The following ZNF469 variants were observed in gnomAD, a reference collection of about 807,000 sequenced individuals.
ZNF469 encodes zinc finger protein 469.
Under a neutral mutation model 1.0 loss-of-function variants are expected in ZNF469, and 1 was observed. That is an observed-to-expected ratio of 1.00 (90% CI 0.35 to 4.73). ZNF469 has a LOEUF of 4.73. Among genes scored for constraint, ZNF469 ranks in the 30% most tolerant of loss-of-function variants. The probability of loss-of-function intolerance (pLI) is 0.16; values close to 1 mark genes in which losing one functional copy is unlikely to be tolerated. For synonymous variants in ZNF469, 2,703 were observed against 2,363.4 expected (o/e 1.14, Z -4.17); for missense variants, 6,100 against 5,356.3 (o/e 1.14, Z -4.33).
chr16:88,429,401 C>A lies in ZNF469; in HGVS notation c.1931C>A (p.Thr644Lys), dbSNP rs1359055760. ...FFHPPTHPQE[T>K]GSPFPSPEPP... is the part of the protein sequence containing the mutation. ...CACCCACCCACTCACCCCCAGGAGA[C>A]GGGCAGCCCCTTCCCGTCCCCGGAG... The change falls in exon 3 of 3, where the codon ACG becomes AAG. Residue 644 changes from threonine (T) to lysine (K), a missense_variant. Physicochemically the swap from Thr to Lys is moderately conservative, Grantham distance 78. Transcript: ENST00000565624. 1.3e-6 allele frequency: 2 copies of A among 1,548,130 alleles called. No homozygotes were observed. The highest frequency in any genetic ancestry group is 1.7e-4 in the Middle Eastern group (1 of 6,010).
the ZNF469 span, among the ~76,000 whole-genome samples, chr16:88,202,506 G>T: frequency 1.3e-5 from 2 of 152,202 alleles, no homozygotes; most frequent in Non-Finnish European, 2.9e-5. Flanking sequence ...GGTGTCTGCG[G>T]CACCTGTCTC....
At chr16:88,227,626 C>A in the ZNF469 span, among the ~76,000 whole-genome samples, 1 of 149,836 alleles carries the variant, frequency 6.7e-6, no homozygotes, top group Non-Finnish European at 1.5e-5. Context: ...CTCCCTGTGT[C>A]CCCGTCTCCC....
intron 1 of ZNF469, among the ~76,000 whole-genome samples, chr16:88,414,537 G>A (rs1187887532): frequency 3.3e-5 from 5 of 152,244 alleles, no homozygotes; most frequent in African/African-American, 9.6e-5. Flanking sequence ...CCCCAGGCCC[G>A]GCAGAGCTGC....
chr16:88,439,612 A>G lies in ZNF469; in HGVS notation c.*280A>G. The G allele has an allele frequency of 2.1e-6, 1 of 482,802 alleles. No homozygotes were observed. Among genetic ancestry groups the G allele is most frequent in the South Asian group, 2.1e-5 (1 of 47,786 alleles). The allele number at this position is 482,802 out of a possible 1,614,324, so 29.9% of individuals were successfully genotyped here. On this transcript the variant is annotated 3_prime_UTR_variant, in exon 3 of 3. Coordinates refer to ENST00000565624, the MANE Select transcript of ZNF469 (RefSeq NM_001367624.2). ...CTTGGTACCAAGTACTTGAAGAGAC[A>G]GCAGCCCATCCCCTCAGCCCACACC...
At position 88,433,612 on chromosome 16, in the gene ZNF469, C is replaced by T; in HGVS notation, c.6142C>T (p.Leu2048Phe). 1 of 1,550,324 alleles carries T rather than the reference C, an allele frequency of 6.5e-7. No homozygotes were observed. The highest frequency in any genetic ancestry group is 8.7e-7 in the Non-Finnish European group (1 of 1,146,936). The change falls in exon 3 of 3, where the codon CTT becomes TTT. Residue 2048 changes from leucine (L) to phenylalanine (F), a missense_variant. Physicochemically the swap from Leu to Phe is conservative, Grantham distance 22. Transcript: ENST00000565624. ...KCKGSRAAMS[L>F]QEEAEPTPSP... ...CAAGGGAAGCAGGGCAGCCATGAGC[C>T]TTCAGGAGGAGGCCGAGCCCACCCC...
rs1906059112 is a variant in ZNF469 at position 88,430,358 on chromosome 16, C to A, written c.2888C>A (p.Ala963Glu). 19 of 1,512,794 alleles carry A rather than the reference C, an allele frequency of 1.3e-5. No individual in the cohort carries two copies. Among genetic ancestry groups the A allele is most frequent in the Non-Finnish European group, 1.6e-5 (18 of 1,135,002 alleles). 93.7% of individuals were successfully genotyped at this position (1,512,794 alleles called of 1,614,324 possible). ...CGGAAGGATCTGGACTCGGGCGGCG[C>A]AGCAGAGGGGTCGGGGTCGGGCGGC... ...LFRKDLDSGG[A>E]AEGSGSGGGG... The change falls in exon 3 of 3, where the codon GCA (alanine) becomes GAA (glutamate). Residue 963 changes from alanine (A) to glutamate (E), a missense_variant. By Grantham distance (107) the Ala-to-Glu change is moderately radical (BLOSUM62 -1). Coordinates refer to ENST00000565624, the MANE Select transcript of ZNF469 (RefSeq NM_001367624.2).
chr16:88,313,072 C>A, the ZNF469 span, among the ~76,000 whole-genome samples: 1 of 152,236 alleles, frequency 6.6e-6, no homozygotes, highest in Non-Finnish European at 1.5e-5. Flanking sequence ...GGGTCACGGT[C>A]AGGGTCAGTG....
the ZNF469 span, among the ~76,000 whole-genome samples, chr16:88,172,043 G>T: frequency 6.6e-6 from 1 of 152,174 alleles, no homozygotes; most frequent in Non-Finnish European, 1.5e-5. Context: ...TCCCATGGAG[G>T]TGCCAGCTCA....
chr16:88,111,389 T>C, the ZNF469 span, among the ~76,000 whole-genome samples: 1 of 152,330 alleles, frequency 6.6e-6, no homozygotes, highest in East Asian at 1.9e-4. Flanking sequence ...ATCCTTTCTG[T>C]TACAAACAAG....
chr16:88,184,589 C>G, the ZNF469 span, among the ~76,000 whole-genome samples: 1 of 152,000 alleles, frequency 6.6e-6, no homozygotes, highest in Admixed American at 6.6e-5. Flanking sequence ...CGCCACCTTC[C>G]CGTTCCCGTT....
At chr16:88,227,568 G>A in the ZNF469 span, among the ~76,000 whole-genome samples, 5 of 53,578 alleles carry the variant, frequency 9.3e-5, no homozygotes, top group African/African-American at 1.4e-4. Flanking sequence ...CCTGGCCCCC[G>A]GCCTGGCCCC....
chr16:88,145,873 G>A, the ZNF469 span, among the ~76,000 whole-genome samples: 3 of 152,246 alleles, frequency 2.0e-5, no homozygotes, highest in Non-Finnish European at 4.4e-5. Context: ...GATGTGGGGT[G>A]ATGAGTGGTG....
the ZNF469 span, among the ~76,000 whole-genome samples, chr16:88,210,112 T>C: frequency 8.9e-4 from 136 of 152,344 alleles, no homozygotes; most frequent in Admixed American, 1.9e-3. Flanking sequence ...GAGACCGCAA[T>C]GTAGCTCTGA....
At chr16:88,367,231 A>G in the ZNF469 span, among the ~76,000 whole-genome samples, 1 of 152,366 alleles carries the variant, frequency 6.6e-6, no homozygotes, top group South Asian at 2.1e-4. Context: ...TAGCAACAGC[A>G]TATATTGAGT....
chr16:88,245,545 G>C, the ZNF469 span, among the ~76,000 whole-genome samples: 1 of 152,236 alleles, frequency 6.6e-6, no homozygotes, highest in African/African-American at 2.4e-5. Context: ...AGAAATCCAA[G>C]GCTGACAGGC....
At chr16:88,406,561 A>C (rs1218073607) in intron 1 of ZNF469, among the ~76,000 whole-genome samples, 1 of 152,176 alleles carries the variant, frequency 6.6e-6, no homozygotes, top group East Asian at 1.9e-4. Context: ...CTCATTACAA[A>C]AGCTGTCCCT....
chr16:88,237,570 CCG>C, the ZNF469 span, among the ~76,000 whole-genome samples: 12 of 110,302 alleles, frequency 1.1e-4, no homozygotes, highest in East Asian at 5.3e-4. Context: ...TCCCTGCCCT[CCG>C]TGCTCCTGCC....
chr16:88,112,593 G>A, the ZNF469 span, among the ~76,000 whole-genome samples: 1 of 152,110 alleles, frequency 6.6e-6, no homozygotes, highest in African/African-American at 2.4e-5. Context: ...TTTGAGAAAC[G>A]TCTATTCAGA....
At chr16:88,380,380 CGCACTCACAGACACGCCCTCACACAG>C (rs2092518235), upstream of ZNF469, among the ~76,000 whole-genome samples, 1 of 110,166 alleles carries the variant, frequency 9.1e-6, no homozygotes, top group Non-Finnish European at 1.6e-5. Context: ...TGCACTCACA[CGCACTCACAGACACGCCCTCACACAG>C]ACATGCACTC....
Sources: gnomAD v4.1 joint callset for allele counts (sites outside exome capture counted in the v4.1 genomes callset) on GRCh38, gnomAD v4.1.1 for gene constraint, MANE v1.5 for transcripts, NCBI Gene and HGNC (gene_info 2026-07-23, HGNC 2026-07-21) for gene names.